FOXP2: variants seen among roughly 807,000 people sequenced by gnomAD.
FOXP2 encodes forkhead box P2, also known as forkhead box protein P2.
FOXP2 carries 12 observed loss-of-function variants against 115.8 expected under a neutral mutation model. That is an observed-to-expected ratio of 0.10 (90% CI 0.07 to 0.17). The LOEUF is 0.17. Among genes scored for constraint, FOXP2 ranks in the 10% least tolerant of loss-of-function variants. The pLI is 1.00. For synonymous variants in FOXP2, 328 were observed against 297.7 expected, an observed-to-expected ratio of 1.10 and a Z score of -1.05; for missense variants, 629 against 843.5, an observed-to-expected ratio of 0.75 and a Z score of 3.15.
intron 3 of FOXP2, among the ~76,000 whole-genome samples, chr7:114,609,928 A>G (rs972186587): frequency 2.0e-5 from 3 of 152,162 alleles, no homozygotes; most frequent in African/African-American, 7.2e-5. Context: ...TGGTTGGCCA[A>G]TTTCCTCTTT....
chr7:114,101,089 T>C (rs1283087180), intron 1 of FOXP2, among the ~76,000 whole-genome samples: 1 of 152,178 alleles, frequency 6.6e-6, no homozygotes, highest in Non-Finnish European at 1.5e-5. Flanking sequence ...GTTTTTGTGC[T>C]CTTGTCCCCC....
At chr7:114,628,922 G>A in intron 4 of FOXP2, 1 of 481,042 alleles carries the variant, frequency 2.1e-6, no homozygotes, top group Admixed American at 3.5e-5. Flanking sequence ...AAAATGGAAT[G>A]AGCCAATATT....
intron 3 of FOXP2, among the ~76,000 whole-genome samples, chr7:114,617,867 T>C (rs938645048): frequency 2.6e-5 from 4 of 152,194 alleles, no homozygotes; most frequent in Non-Finnish European, 5.9e-5. Flanking sequence ...CATGGCCCTT[T>C]CCTGATCTGG....
At chr7:114,293,009 C>CA (rs1406504734) in intron 2 of FOXP2, among the ~76,000 whole-genome samples, 3 of 152,272 alleles carry the variant, frequency 2.0e-5, no homozygotes, top group Middle Eastern at 3.4e-3. Context: ...GAATCCATTA[C>CA]AACTTACACC....
chr7:114,195,127 A>C (rs1031049098), intron 1 of FOXP2, among the ~76,000 whole-genome samples: 1 of 152,168 alleles, frequency 6.6e-6, no homozygotes. Context: ...ATGTCTTGAC[A>C]GTCACTTTTT....
intron 1 of FOXP2, among the ~76,000 whole-genome samples, chr7:114,211,651 A>C (rs1441744278): frequency 6.6e-6 from 1 of 152,238 alleles, no homozygotes; most frequent in Admixed American, 6.5e-5. Flanking sequence ...TTAAAAGTTA[A>C]TCAGTGTTAG....
In FOXP2 at chr7:114,220,288, C is replaced by A. The variant is rs111318239; in HGVS notation, c.-102+57200C>A. On this transcript the variant is annotated intron_variant, in intron 1 of 17. Coordinates refer to the FOXP2 transcript ENST00000634411. Reference sequence around the variant, plus strand: ...ATGGGAACAAAATTCATAAACCTACCGAATTATACAATATAAGATATAGGG... The same window carrying A: ...ATGGGAACAAAATTCATAAACCTACAGAATTATACAATATAAGATATAGGG... 6.9e-3 allele frequency among the ~76,000 whole-genome samples: 1,048 copies of A among 151,778 alleles called. 18 individuals are homozygous for A. The highest frequency in any genetic ancestry group is 0.024 in the African/African-American group (1,005 of 41,374).
chr7:114,659,239 C>A (rs1806748485), intron 11 of FOXP2, 117 bp from the exon 12 acceptor site: 2 of 755,970 alleles, frequency 2.6e-6, no homozygotes, highest in African/African-American at 1.8e-5. Context: ...TTTGTGCTTT[C>A]ACTAGTCGGT....
chr7:114,670,281 T>C (rs1296180257), intron 16 of FOXP2, among the ~76,000 whole-genome samples: 1 of 152,044 alleles, frequency 6.6e-6, no homozygotes, highest in Non-Finnish European at 1.5e-5. Flanking sequence ...ATTTATTGTG[T>C]CCTTAGAAGG....
intron 1 of FOXP2, among the ~76,000 whole-genome samples, chr7:114,215,456 TTC>T (rs1480208679): frequency 6.6e-6 from 1 of 152,124 alleles, no homozygotes; most frequent in Non-Finnish European, 1.5e-5. Flanking sequence ...ATAAGAAAAT[TTC>T]TGTTTTTTAA....
intron 11 of FOXP2, 48 bp from the exon 12 acceptor site, chr7:114,659,308 A>G (rs770387298): frequency 1.5e-6 from 2 of 1,295,896 alleles, no homozygotes; most frequent in Non-Finnish European, 1.1e-6. Context: ...TCAATTATAT[A>G]TAATGTGAAT....
intron 1 of FOXP2, among the ~76,000 whole-genome samples, chr7:114,281,938 G>A (rs962220099): frequency 6.6e-6 from 1 of 152,086 alleles, no homozygotes; most frequent in Non-Finnish European, 1.5e-5. Context: ...TGTTAACTGA[G>A]GGGTAGGTCA....
At chr7:114,306,175 A>G (rs556254181) in intron 2 of FOXP2, among the ~76,000 whole-genome samples, 4 of 152,240 alleles carry the variant, frequency 2.6e-5, no homozygotes, top group African/African-American at 9.6e-5. Flanking sequence ...ATTTTACCCT[A>G]CTTACGTGTA....
intron 2 of FOXP2, among the ~76,000 whole-genome samples, chr7:114,496,905 G>T (rs1797346387): frequency 6.6e-6 from 1 of 152,084 alleles, no homozygotes; most frequent in African/African-American, 2.4e-5. Context: ...ATCCAGTCCA[G>T]CTCAGTGGAC....
intron 3 of FOXP2, among the ~76,000 whole-genome samples, chr7:114,564,736 G>C (rs1800921619): frequency 6.6e-6 from 1 of 151,626 alleles, no homozygotes; most frequent in Non-Finnish European, 1.5e-5. Flanking sequence ...AGAAAATTAG[G>C]TGAGCATGGT....
chr7:114,546,311 T>G (rs1272509939), intron 3 of FOXP2, among the ~76,000 whole-genome samples: 1 of 152,210 alleles, frequency 6.6e-6, no homozygotes, highest in African/African-American at 2.4e-5. Context: ...TCTGCCCTAA[T>G]CATGTAAAAA....
At chr7:114,447,022 C>T (rs1584746488) in intron 2 of FOXP2, among the ~76,000 whole-genome samples, 1 of 151,954 alleles carries the variant, frequency 6.6e-6, no homozygotes, top group African/African-American at 2.4e-5. Context: ...AGTGCTGGGA[C>T]TACAAGCATG....
At chr7:114,100,942 G>A (rs938634286) in intron 1 of FOXP2, among the ~76,000 whole-genome samples, 6 of 152,138 alleles carry the variant, frequency 3.9e-5, no homozygotes, top group African/African-American at 1.4e-4. Context: ...CAACTGTGAA[G>A]GGTCTGAGAT....
chr7:114,512,775 G>A (rs985597104), intron 2 of FOXP2, among the ~76,000 whole-genome samples: 1 of 152,022 alleles, frequency 6.6e-6, no homozygotes, highest in Non-Finnish European at 1.5e-5. Context: ...GATTCTTGGG[G>A]TCAAATTAAT....
Sources: gnomAD v4.1 joint callset for allele counts (sites outside exome capture counted in the v4.1 genomes callset) on GRCh38, gnomAD v4.1.1 for gene constraint, MANE v1.5 for transcripts, NCBI Gene and HGNC (gene_info 2026-07-23, HGNC 2026-07-21) for gene names.